TAS1R2: variants seen among roughly 807,000 people sequenced by gnomAD.
TAS1R2 encodes the protein taste 1 receptor member 2.
A neutral mutation model predicts 49.3 loss-of-function variants in TAS1R2; 47 were observed. The observed-to-expected ratio is 0.95, with a 90% CI of 0.75 to 1.22. The LOEUF (loss-of-function observed/expected upper bound fraction) is 1.22, where lower values mean the gene tolerates loss of function less well. TAS1R2 is among the 50% of genes most tolerant of loss of function. The pLI, the probability that TAS1R2 is intolerant of heterozygous loss-of-function variation, is 0.00. For missense variants in TAS1R2, 1,155 were observed against 1,122.1 expected (o/e 1.03, Z -0.42); for synonymous variants, 479 against 467.9 (o/e 1.02, Z -0.31).
rs1381324257 is a variant in TAS1R2, at chr1:18,854,695, T to C, written c.775A>G (p.Thr259Ala). Residue 259 changes from threonine to alanine, a missense_variant, in exon 3 of 6, where the codon ACC (threonine) becomes GCC (alanine). By Grantham distance (58) the Thr-to-Ala change is moderately conservative. Coordinates refer to ENST00000375371, the Ensembl canonical transcript of TAS1R2. The surrounding 1 kb of genome is among the most constrained non-coding windows in gnomAD (Gnocchi z 4.9). ...CTCTGCTGCAGCTTGTCCACAATGG[T>C]CACCAGGCGCTGGCGCTCCTCTGAC... 6.2e-7 allele frequency: 1 copy of C among 1,613,758 alleles called. No homozygotes were observed. Among genetic ancestry groups the C allele is most frequent in the African/African-American group, 1.3e-5 (1 of 75,048 alleles).
chr1:18,848,719 A>G (rs1933966471), intron 4 of TAS1R2, among the ~76,000 whole-genome samples: 1 of 152,166 alleles, frequency 6.6e-6, no homozygotes, highest in Admixed American at 6.5e-5. Context: ...CCTATTGTGA[A>G]CTGTGCATAC....
chr1:18,848,459 C>G (rs1485696398), intron 4 of TAS1R2, among the ~76,000 whole-genome samples: 1 of 152,048 alleles, frequency 6.6e-6, no homozygotes, highest in Non-Finnish European at 1.5e-5. Context: ...GACAGGACCC[C>G]AGACTGTATA....
intron 4 of TAS1R2, among the ~76,000 whole-genome samples, chr1:18,847,524 G>T (rs1052880605): frequency 2.1e-5 from 3 of 145,164 alleles, no homozygotes; most frequent in East Asian, 4.2e-4. Context: ...GTCGGGGACT[G>T]GGGGGAAGAG....
chr1:18,855,989 C>G (rs1221072765), intron 2 of TAS1R2, among the ~76,000 whole-genome samples: 1 of 152,194 alleles, frequency 6.6e-6, no homozygotes, highest in Non-Finnish European at 1.5e-5. Flanking sequence ...ACCCATCCAC[C>G]TTTCCCCTAT....
chr1:18,850,440 C>T (rs1345205753), intron 3 of TAS1R2, among the ~76,000 whole-genome samples: 2 of 152,244 alleles, frequency 1.3e-5, no homozygotes, highest in Non-Finnish European at 2.9e-5. Context: ...CCCTTCCCTG[C>T]CTAGCACGTG....
rs1237038242 is a variant in TAS1R2 at position 18,854,885 on chromosome 1, C to G, written c.585G>C (p.Val195=). The stretch of plus-strand genomic sequence containing the variant: ...TCCAGCGGAAGTGCAGCATCAGCTG[C>G]ACCATGGCCTCGATGTGGTGGTCGG... Residue 195 remains valine (V), a synonymous_variant, in exon 3 of 6, where the codon GTG becomes GTC. Coordinates refer to ENST00000375371, the Ensembl canonical transcript of TAS1R2. This position sits in a 1 kb window ranked among gnomAD's most constrained non-coding sequence, Gnocchi z 4.9. The G allele has an allele frequency of 6.2e-7, 1 of 1,612,912 alleles. No homozygotes were observed. The highest frequency in any genetic ancestry group is 1.7e-5 in the Admixed American group (1 of 60,020).
At chr1:18,840,526 A>G in exon 6 of TAS1R2, 2 of 1,614,148 alleles carry the variant, frequency 1.2e-6, no homozygotes, top group Non-Finnish European at 1.7e-6. Context: ...ATTCATATTC[A>G]TCTGCAAAAG....
chr1:18,857,383 G>A (rs995457022), exon 2 of TAS1R2: 2 of 1,614,232 alleles, frequency 1.2e-6, no homozygotes, highest in East Asian at 4.5e-5. Flanking sequence ...GACAGACTCG[G>A]AGTTGTCAGG....
rs79084950 is a variant in TAS1R2 at position 18,851,288 on chromosome 1, G to T, written c.1258-1738C>A. On this transcript the variant is annotated intron_variant, in intron 3 of 5. Coordinates refer to ENST00000375371, the Ensembl canonical transcript of TAS1R2. ...TTGGACCAGAACCTGAGAAGAGCTC[G>T]CAACCCTGACCCTCCTGATTCAATG... 7.1e-3 allele frequency among the ~76,000 whole-genome samples: 1,077 copies of T among 152,214 alleles called. 12 individuals carry two copies. The highest frequency in any genetic ancestry group is 0.025 in the African/African-American group (1,046 of 41,526).
chr1:18,856,423 C>T (rs1371060705), intron 2 of TAS1R2, among the ~76,000 whole-genome samples: 1 of 152,104 alleles, frequency 6.6e-6, no homozygotes, highest in South Asian at 2.1e-4. Context: ...TGCCAGACAC[C>T]CCCACCCTGC....
chr1:18,840,233 G>A (rs779735622), exon 6 of TAS1R2: 2 of 1,614,012 alleles, frequency 1.2e-6, no homozygotes, highest in Non-Finnish European at 1.7e-6. Flanking sequence ...GCAGAGGCAG[G>A]TGGAGACCTT....
exon 6 of TAS1R2, chr1:18,840,031 G>T: frequency 6.2e-7 from 1 of 1,613,338 alleles, no homozygotes; most frequent in Non-Finnish European, 8.5e-7. Flanking sequence ...TGGCCAGCAT[G>T]CCAATTACCA....
exon 4 of TAS1R2, chr1:18,849,426 G>A: frequency 6.2e-7 from 1 of 1,614,222 alleles, no homozygotes; most frequent in Non-Finnish European, 8.5e-7. Context: ...GCTCTGGAAG[G>A]GATTCTGGCT....
exon 6 of TAS1R2, chr1:18,840,262 C>T (rs781113564): frequency 9.9e-6 from 16 of 1,613,942 alleles, no homozygotes; most frequent in East Asian, 6.7e-5. Context: ...CCACGTACAC[C>T]GGGACCACCA....
intron 5 of TAS1R2, 122 bp downstream of exon 5, chr1:18,841,607 C>T (rs1933824486): frequency 2.9e-6 from 4 of 1,386,388 alleles, no homozygotes; most frequent in South Asian, 3.2e-5. Flanking sequence ...GGCCTTTGGA[C>T]ACTCACACCC....
chr1:18,849,256 C>G, intron 4 of TAS1R2, 85 bp downstream of exon 4: 1 of 1,410,132 alleles, frequency 7.1e-7, no homozygotes, highest in East Asian at 2.3e-5. Flanking sequence ...CAGGCTCTGT[C>G]CCTAATGAAA....
At chr1:18,857,736 A>T (rs1934167491) in intron 1 of TAS1R2, 105 bp from the exon 2 acceptor site, 1 of 1,342,646 alleles carries the variant, frequency 7.4e-7, no homozygotes, top group Non-Finnish European at 1.0e-6. Flanking sequence ...AAGCCAAGGC[A>T]TTGACTGAGA....
chr1:18,843,943 G>A (rs1339597949), intron 4 of TAS1R2, among the ~76,000 whole-genome samples: 3 of 152,186 alleles, frequency 2.0e-5, no homozygotes, highest in African/African-American at 4.8e-5. Flanking sequence ...TGTGACTCCT[G>A]TATCTATTTC....
Position 18,845,847 on chromosome 1 carries a change from C to CA in TAS1R2, c.1467+3493dup, listed in dbSNP as rs559942273. 2.5e-3 allele frequency among the ~76,000 whole-genome samples: 373 copies of CA among 152,150 alleles called. 4 individuals are homozygous for CA. In the South Asian group the frequency reaches 0.046, roughly 19 times the overall value. On this transcript the variant is annotated intron_variant, in intron 4 of 5. Coordinates refer to ENST00000375371, the Ensembl canonical transcript of TAS1R2. ...GGGGAAGAAGGTCTGGATCACCCCC[C>CA]AGGCAAGTGACTGAGAGCAGCCAAA... is the stretch of plus-strand genomic sequence containing the variant.
Sources: allele counts gnomAD v4.1 joint callset (sites outside exome capture counted in the v4.1 genomes callset), GRCh38; gene constraint gnomAD v4.1.1; non-coding constraint Gnocchi (gnomAD v3.1); transcripts MANE v1.5; gene names NCBI Gene and HGNC (gene_info 2026-07-23, HGNC 2026-07-21).